Variants in MAP3K5 observed in about 807,000 individuals in gnomAD.
The protein encoded by MAP3K5 is ASK-1.
MAP3K5 carries 56 observed loss-of-function variants against 158.7 expected under a neutral mutation model. The observed-to-expected ratio is 0.35, with a 90% CI of 0.28 to 0.44. MAP3K5 has a LOEUF of 0.44. MAP3K5 is among the 20% of genes least tolerant of loss of function. The pLI is 1.00. For missense variants in MAP3K5, 1,294 were observed against 1,674.8 expected (o/e 0.77, Z 3.97); for synonymous variants, 579 against 601.7 (o/e 0.96, Z 0.55).
At chr6:136,683,638 T>C (rs1780027174) in intron 7 of MAP3K5, among the ~76,000 whole-genome samples, 1 of 152,346 alleles carries the variant, frequency 6.6e-6, no homozygotes, top group Non-Finnish European at 1.5e-5. Context: ...ACGCAAGTGT[T>C]AATTTTTTTT....
At chr6:136,737,042 T>C (rs1236864963) in intron 1 of MAP3K5, among the ~76,000 whole-genome samples, 1 of 143,596 alleles carries the variant, frequency 7.0e-6, no homozygotes, top group Non-Finnish European at 1.5e-5. Context: ...TGTGTGTATA[T>C]ATATATATAT....
chr6:136,690,122 A>C (rs1416007374), intron 7 of MAP3K5, among the ~76,000 whole-genome samples: 1 of 152,162 alleles, frequency 6.6e-6, no homozygotes, highest in African/African-American at 2.4e-5. Context: ...TTGAAATTGC[A>C]TGTGAATCAC....
At position 136,639,994 on chromosome 6, in the gene MAP3K5, A is replaced by AT. The variant is rs75995379; in HGVS notation, c.1839-357dup. Among the ~76,000 whole-genome samples, 2,116 of 152,332 alleles carry AT rather than the reference A, an allele frequency of 0.014. 124 individuals carry two copies. In the East Asian group the frequency reaches 0.15, roughly 11 times the overall value. On this transcript the variant is annotated intron_variant, in intron 12 of 29. Coordinates refer to ENST00000359015, the MANE Select transcript of MAP3K5 (RefSeq NM_005923.4). ...ACCAACTGGCTGGCTAACCTCGGTGATTCTGGTGCTATGCAATCTGTAGAA... is the reference window on the plus strand; with the variant it reads ...ACCAACTGGCTGGCTAACCTCGGTGATTTCTGGTGCTATGCAATCTGTAGAA...
intron 1 of MAP3K5, among the ~76,000 whole-genome samples, chr6:136,757,516 T>C (rs866546151): frequency 3.3e-5 from 5 of 152,140 alleles, no homozygotes; most frequent in African/African-American, 4.8e-5. Flanking sequence ...TGTTTACCAA[T>C]TGGAAATATG....
At chr6:136,560,338 G>C (rs1830451396) in intron 28 of MAP3K5, among the ~76,000 whole-genome samples, 1 of 152,094 alleles carries the variant, frequency 6.6e-6, no homozygotes, top group South Asian at 2.1e-4. Context: ...AAATTAGCCA[G>C]GCTTAGTGGC....
intron 10 of MAP3K5, among the ~76,000 whole-genome samples, chr6:136,651,945 G>A (rs1778537753): frequency 6.6e-6 from 1 of 151,770 alleles, no homozygotes; most frequent in South Asian, 2.1e-4. Context: ...AAATTTCCTA[G>A]GCAGACTTCA....
intron 9 of MAP3K5, 114 bp downstream of exon 9, chr6:136,659,105 G>A (rs1778892887): frequency 5.2e-6 from 5 of 954,042 alleles, no homozygotes; most frequent in Non-Finnish European, 7.7e-6. Flanking sequence ...TCTATATTCT[G>A]CATTTTATTT....
At chr6:136,621,078 A>C (rs1235084442) in intron 15 of MAP3K5, among the ~76,000 whole-genome samples, 2 of 151,782 alleles carry the variant, frequency 1.3e-5, no homozygotes, top group African/African-American at 2.4e-5. Flanking sequence ...TATATTATAC[A>C]TTTTGTAGTT....
rs71547040 is a variant in MAP3K5, at chr6:136,707,557, T to TG, written c.589-2425dup. 6.4e-3 allele frequency among the ~76,000 whole-genome samples: 921 copies of TG among 143,266 alleles called. 5 individuals are homozygous for TG. The highest frequency in any genetic ancestry group is 0.013 in the South Asian group (58 of 4,320). The allele number at this position is 143,266 out of a possible 152,430, so 94.0% of individuals were successfully genotyped here. A position where few individuals can be genotyped will look rare whatever the true frequency, so the allele number is the denominator to read the frequency against. On this transcript the variant is annotated intron_variant, in intron 2 of 29. Coordinates refer to ENST00000359015, the MANE Select transcript of MAP3K5 (RefSeq NM_005923.4). ...TGGAAGAGTGAATTAAAGAGGTACTTGGGGGGGGGGGGAACCCCTTGAACG... is the reference window on the plus strand; with the variant it reads ...TGGAAGAGTGAATTAAAGAGGTACTTGGGGGGGGGGGGGAACCCCTTGAACG...
intron 28 of MAP3K5, among the ~76,000 whole-genome samples, chr6:136,559,267 G>A (rs577489958): frequency 1.7e-4 from 26 of 152,312 alleles, no homozygotes; most frequent in Non-Finnish European, 3.2e-4. Flanking sequence ...CAGGAGAATC[G>A]CTTGAACCCG....
At chr6:136,732,553 T>A (rs1005380696) in intron 1 of MAP3K5, among the ~76,000 whole-genome samples, 6 of 152,204 alleles carry the variant, frequency 3.9e-5, no homozygotes, top group African/African-American at 1.4e-4. Context: ...AGTGACTTGC[T>A]GATAGACAGC....
chr6:136,779,874 AC>A (rs1292821941), intron 1 of MAP3K5, among the ~76,000 whole-genome samples: 1 of 152,220 alleles, frequency 6.6e-6, no homozygotes, highest in Non-Finnish European at 1.5e-5. Context: ...ACCTAAAATA[AC>A]CATGACTAGG....
Position 136,696,022 on chromosome 6 carries a change from T to C in MAP3K5, c.1011A>G (p.Leu337=), listed in dbSNP as rs1286308458. Reference sequence around the variant, plus strand: ...CCAAATCAAAGGTTGGCAGTTTTTCTAAAGTCTCTACCAGCTTCACAATAG... The same window carrying C: ...CCAAATCAAAGGTTGGCAGTTTTTCCAAAGTCTCTACCAGCTTCACAATAG... The part of the protein sequence containing the change: ...YDSIVKLVET[L]EKLPTFDLAS... Residue 337 remains leucine (L), a synonymous_variant, in exon 6 of 30, where the codon TTA becomes TTG. Transcript: ENST00000359015. 3.7e-6 allele frequency: 6 copies of C among 1,613,312 alleles called. No individual in the cohort carries two copies. Among genetic ancestry groups the C allele is most frequent in the Middle Eastern group, 3.3e-4 (2 of 6,046 alleles).
At chr6:136,615,952 A>G (rs1162981877) in intron 15 of MAP3K5, among the ~76,000 whole-genome samples, 1 of 152,194 alleles carries the variant, frequency 6.6e-6, no homozygotes, top group Non-Finnish European at 1.5e-5. Flanking sequence ...AAACATTTAA[A>G]TTCATTTAAT....
At chr6:136,561,485 T>C in intron 28 of MAP3K5, 48 bp downstream of exon 28, 1 of 1,397,490 alleles carries the variant, frequency 7.2e-7, no homozygotes, top group Non-Finnish European at 1.0e-6. Flanking sequence ...CACCCAACAT[T>C]ATGAAACGAA....
chr6:136,761,172 G>T (rs1249253784), intron 1 of MAP3K5, among the ~76,000 whole-genome samples: 1 of 151,666 alleles, frequency 6.6e-6, no homozygotes, highest in Non-Finnish European at 1.5e-5. Flanking sequence ...ATGTTTATAT[G>T]CCACCTCGCT....
intron 7 of MAP3K5, among the ~76,000 whole-genome samples, chr6:136,685,536 A>C (rs145599080): frequency 3.2e-4 from 49 of 152,254 alleles, no homozygotes; most frequent in African/African-American, 1.2e-3. Flanking sequence ...ATTATTAAAA[A>C]AGAGAATTGC....
At chr6:136,733,645 T>A (rs76667392) in intron 1 of MAP3K5, among the ~76,000 whole-genome samples, 2 of 152,160 alleles carry the variant, frequency 1.3e-5, no homozygotes, top group South Asian at 2.1e-4. Flanking sequence ...CCTTTTTTTT[T>A]AGAGCTGTTT....
At chr6:136,746,747 C>T (rs898214120) in intron 1 of MAP3K5, among the ~76,000 whole-genome samples, 1 of 152,192 alleles carries the variant, frequency 6.6e-6, no homozygotes, top group Non-Finnish European at 1.5e-5. Flanking sequence ...GGAAATCCCC[C>T]AGTCCTCTTT....
Sources: gnomAD v4.1 joint callset for allele counts (sites outside exome capture counted in the v4.1 genomes callset) on GRCh38, gnomAD v4.1.1 for gene constraint, MANE v1.5 for transcripts, NCBI Gene and HGNC (gene_info 2026-07-23, HGNC 2026-07-21) for gene names.